Variants in HERC1 observed in about 807,000 individuals in gnomAD.
HERC1 encodes the protein probable E3 ubiquitin-protein ligase HERC1.
Under a neutral mutation model 554.3 loss-of-function variants are expected in HERC1, and 160 were observed. The ratio of observed to expected loss-of-function variants is 0.29; its 90% CI spans 0.25 to 0.33. The LOEUF is 0.33. Ranked by LOEUF, HERC1 falls within the 10% of genes least tolerant of loss-of-function variation. The probability of loss-of-function intolerance (pLI) is 1.00; values close to 1 mark genes in which losing one functional copy is unlikely to be tolerated. For synonymous variants in HERC1, 2,175 were observed against 2,131.7 expected (o/e 1.02, Z -0.56); for missense variants, 4,919 against 5,918.5 (o/e 0.83, Z 5.54).
chr15:63,719,248 G>A lies in HERC1; in HGVS notation c.3743-351C>T, dbSNP rs556453253. 5.3e-5 allele frequency among the ~76,000 whole-genome samples: 8 copies of A among 152,340 alleles called. No individual in the cohort carries two copies. In the East Asian group the frequency reaches 1.5e-3, roughly 29 times the overall value. ...GTGGGATTACTATTTTATATAAGGT[G>A]GTCTGGGAAAGTTTCTGATAAGGTT... is the stretch of plus-strand genomic sequence containing the variant. On this transcript the variant is annotated intron_variant, in intron 19 of 77. Transcript: ENST00000443617.
intron 16 of HERC1, among the ~76,000 whole-genome samples, chr15:63,728,750 G>A (rs907024775): frequency 5.3e-5 from 8 of 151,944 alleles, no homozygotes; most frequent in Non-Finnish European, 8.8e-5. Context: ...GGCAAAATTC[G>A]GAGGATCCTC....
chr15:63,740,121 G>A (rs143895106), intron 12 of HERC1, among the ~76,000 whole-genome samples: 17 of 152,168 alleles, frequency 1.1e-4, no homozygotes, highest in African/African-American at 4.1e-4. Flanking sequence ...ATTTGGCCAG[G>A]CTGGTCTCAA....
At chr15:63,687,310 C>T (rs575443017) in intron 33 of HERC1, among the ~76,000 whole-genome samples, 5 of 152,202 alleles carry the variant, frequency 3.3e-5, no homozygotes, top group East Asian at 1.9e-4. Flanking sequence ...GAGACCGAAG[C>T]GGGCGGATCA....
rs2074437778 is a variant in HERC1, at chr15:63,734,986, GTCC to G, written c.2521-140_2521-138del. On this transcript the variant is annotated intron_variant, in intron 12 of 77. Coordinates refer to ENST00000443617, the MANE Select transcript of HERC1 (RefSeq NM_003922.4). The surrounding 1 kb of genome is among the most constrained non-coding windows in gnomAD (Gnocchi z 4.6). ...GCATGATAAAAAAGAAAGCATGCAA[GTCC>G]TCCTTCAGATGTCTTTAAGAAGACT... 1 of 701,390 alleles carries G rather than the reference GTCC, an allele frequency of 1.4e-6. No homozygotes were observed. The highest frequency in any genetic ancestry group is 3.3e-5 in the Admixed American group (1 of 30,362). 43.4% of individuals were successfully genotyped at this position (701,390 alleles called of 1,614,324 possible).
At chr15:63,615,720 A>C in intron 76 of HERC1, 48 bp downstream of exon 76, 2 of 1,504,186 alleles carry the variant, frequency 1.3e-6, no homozygotes, top group Non-Finnish European at 1.8e-6. Context: ...TCTCATTTGG[A>C]GAGAAACCCA....
chr15:63,638,563 T>C, intron 62 of HERC1, 27 bp from the exon 63 acceptor site: 2 of 1,613,664 alleles, frequency 1.2e-6, no homozygotes, highest in South Asian at 2.2e-5. Flanking sequence ...ATCTCAAAAT[T>C]AGAGTCATCC....
At chr15:63,731,075 G>A (rs1408151930) in intron 14 of HERC1, among the ~76,000 whole-genome samples, 5 of 152,048 alleles carry the variant, frequency 3.3e-5, no homozygotes, top group Non-Finnish European at 7.4e-5. Context: ...AATCATAAAT[G>A]TTTTACACAT....
chr15:63,745,693 T>C (rs1241011041), intron 12 of HERC1, among the ~76,000 whole-genome samples: 1 of 152,228 alleles, frequency 6.6e-6, no homozygotes, highest in Non-Finnish European at 1.5e-5. Context: ...CTTTCAGTGA[T>C]ATGAAGTTAA....
intron 74 of HERC1, 31 bp from the exon 75 acceptor site, chr15:63,616,713 C>G: frequency 6.3e-7 from 1 of 1,599,804 alleles, no homozygotes; most frequent in East Asian, 2.2e-5. Flanking sequence ...TTTCAAACAG[C>G]ATTTTCCTTA....
intron 21 of HERC1, among the ~76,000 whole-genome samples, chr15:63,717,093 A>C (rs1478205534): frequency 1.3e-5 from 2 of 152,206 alleles, no homozygotes; most frequent in African/African-American, 4.8e-5. Context: ...TAAAGCACAA[A>C]TGAAAAATTT....
Position 63,622,897 on chromosome 15 carries a change from GAAGA to G in HERC1, c.13612-10_13612-7del. The stretch of plus-strand genomic sequence containing the variant: ...ACAATACCAGTTTCAAGTTCCTGCA[GAAGA>G]AAGAAAAAAATTTTTTGAGAAATGA... On this transcript the variant is annotated splice_region_variant and splice_polypyrimidine_tract_variant and intron_variant, in intron 73 of 77. Coordinates refer to ENST00000443617, the MANE Select transcript of HERC1 (RefSeq NM_003922.4). The G allele has an allele frequency of 1.3e-6, 2 of 1,579,742 alleles. No individual in the cohort carries two copies. The highest frequency in any genetic ancestry group is 1.7e-6 in the Non-Finnish European group (2 of 1,166,266).
In HERC1 at chr15:63,649,864, C is replaced by T; in HGVS notation, c.10608G>A (p.Glu3536=). The T allele has an allele frequency of 6.2e-7, 1 of 1,612,966 alleles. No individual in the cohort carries two copies. The change falls in exon 54 of 78, where the codon GAG becomes GAA. Residue 3536 remains glutamate, a synonymous_variant. Transcript: ENST00000443617. ...CTCCTGACCAGGCTGTAGCCGGACC[C>T]TCTTCTGGCCAAGCCAGGGCAGATA... ...HWVSALAWPE[E]GPATAWSGES...
intron 27 of HERC1, 23 bp downstream of exon 27, chr15:63,696,101 A>C (rs200494888): frequency 6.6e-7 from 1 of 1,519,608 alleles, no homozygotes; most frequent in South Asian, 1.1e-5. Context: ...TAAAATCTGT[A>C]TATACTGCAA....
intron 17 of HERC1, among the ~76,000 whole-genome samples, chr15:63,726,259 G>C (rs1308082860): frequency 5.3e-5 from 8 of 152,154 alleles, no homozygotes; most frequent in Admixed American, 5.2e-4. Context: ...TGGGATTATA[G>C]GCATGAGCCA....
At chr15:63,812,836 G>C (rs923076672) in intron 1 of HERC1, among the ~76,000 whole-genome samples, 2 of 151,998 alleles carry the variant, frequency 1.3e-5, no homozygotes, top group African/African-American at 2.4e-5. Flanking sequence ...AATCAAAATA[G>C]ATGGAAAGAC....
chr15:63,691,893 C>T (rs974909487), intron 31 of HERC1, among the ~76,000 whole-genome samples: 6 of 152,116 alleles, frequency 3.9e-5, no homozygotes, highest in Admixed American at 1.3e-4. Context: ...CATTTTACCA[C>T]AATTTTAGCA....
intron 12 of HERC1, among the ~76,000 whole-genome samples, chr15:63,741,136 C>A (rs992651340): frequency 1.3e-5 from 2 of 151,702 alleles, no homozygotes; most frequent in African/African-American, 4.8e-5. Context: ...TCAAGCAATT[C>A]TTCTGCCCCA....
In HERC1 at chr15:63,656,193, C is replaced by T. The variant is rs1428218455; in HGVS notation, c.9765G>A (p.Lys3255=). 1.2e-6 allele frequency: 2 copies of T among 1,612,812 alleles called. No individual in the cohort carries two copies. Among genetic ancestry groups the T allele is most frequent in the South Asian group, 2.2e-5 (2 of 90,868 alleles). ...TSERSRGGHS[K]ANKPISCLAY... ...CCAGGCAAGAGATAGGCTTGTTAGC[C>T]TTGCTATGCCCACCTCGTGATCGTT... is the stretch of plus-strand genomic sequence containing the variant. The change falls in exon 49 of 78, where the codon AAG becomes AAA. Residue 3255 remains lysine (K), a synonymous_variant. Transcript: ENST00000443617.
intron 57 of HERC1, among the ~76,000 whole-genome samples, chr15:63,644,789 G>A: frequency 6.6e-6 from 1 of 152,090 alleles, no homozygotes. Flanking sequence ...AATATGTATA[G>A]AATATCTCAT....
Sources: allele counts gnomAD v4.1 joint callset (sites outside exome capture counted in the v4.1 genomes callset), GRCh38; gene constraint gnomAD v4.1.1; non-coding constraint Gnocchi (gnomAD v3.1); transcripts MANE v1.5; gene names NCBI Gene and HGNC (gene_info 2026-07-23, HGNC 2026-07-21).